The following DIAPH2 variants were observed in gnomAD, a reference collection of about 807,000 sequenced individuals.
DIAPH2 encodes the protein protein diaphanous homolog 2.
DIAPH2 carries 35 observed loss-of-function variants against 92.7 expected under a neutral mutation model. The observed-to-expected ratio is 0.38, with a 90% CI of 0.29 to 0.50. The LOEUF is 0.50. Ranked by LOEUF, DIAPH2 falls within the 20% of genes least tolerant of loss-of-function variation. The pLI is 0.94. For synonymous variants in DIAPH2, 301 were observed against 280.4 expected, an observed-to-expected ratio of 1.07 and a Z score of -0.73; for missense variants, 701 against 819.5, an observed-to-expected ratio of 0.86 and a Z score of 1.77.
chrX:97,595,598 C>CTCTT (rs1243924351), intron 26 of DIAPH2, among the ~76,000 whole-genome samples: 1 of 107,597 alleles, frequency 9.3e-6, no homozygotes, highest in Non-Finnish European at 1.9e-5. Context: ...TTCTTTCTTT[C>CTCTT]TCTTTCTTTC....
At chrX:97,230,049 T>C (rs2147526128) in intron 22 of DIAPH2, among the ~76,000 whole-genome samples, 1 of 109,620 alleles carries the variant, frequency 9.1e-6, no homozygotes, top group Admixed American at 9.9e-5. Context: ...GAGAATAGAA[T>C]GCAGCAAATG....
At chrX:96,966,064 T>C (rs1172326749) in intron 17 of DIAPH2, among the ~76,000 whole-genome samples, 1 of 111,629 alleles carries the variant, frequency 9.0e-6, no homozygotes, top group Non-Finnish European at 1.9e-5. Flanking sequence ...TATGAGAATA[T>C]AAATTTTGGA....
chrX:96,953,131 T>C (rs2065787668), intron 15 of DIAPH2, among the ~76,000 whole-genome samples: 1 of 111,418 alleles, frequency 9.0e-6, no homozygotes, highest in African/African-American at 3.3e-5. Flanking sequence ...AATGAATGAA[T>C]GGGTGAGGAC....
intron 25 of DIAPH2, among the ~76,000 whole-genome samples, chrX:97,390,378 C>A (rs1251538836): frequency 9.2e-5 from 10 of 108,754 alleles, no homozygotes. Context: ...CACCACCATG[C>A]CCAGCTAATT....
At chrX:96,839,397 A>G (rs866390522) in intron 4 of DIAPH2, among the ~76,000 whole-genome samples, 19 of 111,278 alleles carry the variant, frequency 1.7e-4, no homozygotes, top group African/African-American at 4.6e-4. Context: ...GCCTCCTATG[A>G]CTAAAATGTC....
At position 96,884,536 on chromosome X, in the gene DIAPH2, A is replaced by C. The variant is rs764459650; in HGVS notation, c.587+2818A>C. ...GGGAATTATAGTTTCCCAGGTCTCC[A>C]TCGTGGGGGTAATCAGAGGGGCAGA... On this transcript the variant is annotated intron_variant, in intron 5 of 26. Coordinates refer to ENST00000324765, the MANE Select transcript of DIAPH2 (RefSeq NM_006729.5). 2.4e-5 allele frequency: 29 copies of C among 1,208,396 alleles called. No individual in the cohort carries two copies. In the South Asian group the frequency reaches 4.9e-4, roughly 21 times the overall value.
At chrX:97,366,263 C>T (rs1671671011) in intron 24 of DIAPH2, among the ~76,000 whole-genome samples, 2 of 111,676 alleles carry the variant, frequency 1.8e-5, no homozygotes, top group African/African-American at 3.3e-5. Context: ...CTCTAGCTGT[C>T]TCTCTCTGCC....
At chrX:97,253,011 G>C (rs148967939) in intron 23 of DIAPH2, among the ~76,000 whole-genome samples, 1,483 of 111,460 alleles carry the variant, frequency 0.013, 32 homozygotes, top group African/African-American at 0.046. Flanking sequence ...AAGGGGGGCC[G>C]GGTGCAATGG....
At chrX:96,723,481 C>G (rs2064000915) in intron 1 of DIAPH2, among the ~76,000 whole-genome samples, 1 of 111,616 alleles carries the variant, frequency 9.0e-6, no homozygotes, top group South Asian at 3.7e-4. Context: ...TTTTTTACAC[C>G]TCGTGTTAGA....
At chrX:97,070,521 C>A (rs757255874) in intron 17 of DIAPH2, among the ~76,000 whole-genome samples, 3 of 111,417 alleles carry the variant, frequency 2.7e-5, no homozygotes, top group Non-Finnish European at 5.7e-5. Flanking sequence ...TCTTTGAATT[C>A]TCTATTTATC....
intron 23 of DIAPH2, among the ~76,000 whole-genome samples, chrX:97,275,401 G>A (rs77163172): frequency 3.8e-5 from 4 of 104,393 alleles, no homozygotes; most frequent in African/African-American, 7.0e-5. Flanking sequence ...TGGGTGGGGC[G>A]GCTGGCCAGG....
At chrX:97,303,731 G>T (rs2068724918) in intron 23 of DIAPH2, among the ~76,000 whole-genome samples, 1 of 111,865 alleles carries the variant, frequency 8.9e-6, no homozygotes, top group Non-Finnish European at 1.9e-5. Context: ...ATTTTCTGCA[G>T]AACTTCTCAT....
At chrX:96,933,242 G>A (rs1357842805) in intron 10 of DIAPH2, among the ~76,000 whole-genome samples, 3 of 110,344 alleles carry the variant, frequency 2.7e-5, no homozygotes, top group African/African-American at 9.9e-5. Flanking sequence ...AAAATCCTCC[G>A]CAGGTATTTC....
At chrX:97,086,088 A>G (rs2066780874) in intron 19 of DIAPH2, among the ~76,000 whole-genome samples, 1 of 111,812 alleles carries the variant, frequency 8.9e-6, no homozygotes, top group Non-Finnish European at 1.9e-5. Context: ...GAATGCTTAA[A>G]ATATCTTTTT....
chrX:97,258,514 A>T (rs1315988260), intron 23 of DIAPH2, among the ~76,000 whole-genome samples: 2 of 104,938 alleles, frequency 1.9e-5, no homozygotes, highest in Admixed American at 1.0e-4. Flanking sequence ...TGGAGGTTGC[A>T]GTGAGCCGAG....
intron 26 of DIAPH2, among the ~76,000 whole-genome samples, chrX:97,437,761 T>TACACACACAC (rs58161143): frequency 4.2e-4 from 40 of 95,746 alleles, no homozygotes; most frequent in African/African-American, 1.5e-3. Context: ...TACATGATTT[T>TACACACACAC]ACACACACAC....
At chrX:97,372,396 C>T (rs1178108181) in intron 24 of DIAPH2, among the ~76,000 whole-genome samples, 1 of 112,259 alleles carries the variant, frequency 8.9e-6, no homozygotes, top group Non-Finnish European at 1.9e-5. Context: ...TCTGTCAAAC[C>T]TACAGATATG....
intron 22 of DIAPH2, among the ~76,000 whole-genome samples, chrX:97,195,262 G>T (rs756312323): frequency 8.9e-6 from 1 of 112,239 alleles, no homozygotes; most frequent in Admixed American, 9.5e-5. Context: ...GCATCATAAT[G>T]AATTTTTAAT....
intron 26 of DIAPH2, among the ~76,000 whole-genome samples, chrX:97,460,685 C>T (rs746237408): frequency 9.0e-6 from 1 of 111,339 alleles, no homozygotes; most frequent in Non-Finnish European, 1.9e-5. Context: ...CCACAGAGCA[C>T]GCACTAGACA....
Sources: allele counts gnomAD v4.1 joint callset (sites outside exome capture counted in the v4.1 genomes callset), GRCh38; gene constraint gnomAD v4.1.1; transcripts MANE v1.5; gene names NCBI Gene and HGNC (gene_info 2026-07-23, HGNC 2026-07-21).